The following PRKAG2 variants were observed in gnomAD, a reference collection of about 807,000 sequenced individuals.
PRKAG2 encodes the protein protein kinase AMP-activated non-catalytic subunit gamma 2.
In PRKAG2, 26 loss-of-function variants were observed where a neutral mutation model predicts 69.6. The observed-to-expected ratio is 0.37, with a 90% CI of 0.27 to 0.52. The LOEUF is 0.52. Ranked by LOEUF, PRKAG2 falls within the 20% of genes least tolerant of loss-of-function variation. PRKAG2 has a pLI of 0.90. For missense variants in PRKAG2, 557 were observed against 740.0 expected (o/e 0.75, Z 2.87); for synonymous variants, 293 against 285.0 (o/e 1.03, Z -0.28).
At chr7:151,732,274 G>A (rs1799073819) in intron 3 of PRKAG2, among the ~76,000 whole-genome samples, 1 of 151,724 alleles carries the variant, frequency 6.6e-6, no homozygotes, top group African/African-American at 2.4e-5. Flanking sequence ...AATTAGCTGG[G>A]ACTACCGACA....
intron 3 of PRKAG2, among the ~76,000 whole-genome samples, chr7:151,754,658 A>AG (rs1393575294): frequency 6.6e-6 from 1 of 152,132 alleles, no homozygotes; most frequent in Non-Finnish European, 1.5e-5. Flanking sequence ...CACAGCCCTG[A>AG]GGGAGGCTGG....
intron 1 of PRKAG2, among the ~76,000 whole-genome samples, chr7:151,789,848 G>A (rs2077190323): frequency 6.6e-6 from 1 of 152,162 alleles, no homozygotes; most frequent in African/African-American, 2.4e-5. Flanking sequence ...ACACAGTCAG[G>A]AGCTCCCAGC....
chr7:151,566,956 G>A (rs1464672478), intron 11 of PRKAG2, among the ~76,000 whole-genome samples: 2 of 151,974 alleles, frequency 1.3e-5, no homozygotes, highest in Non-Finnish European at 2.9e-5. Context: ...TTACCATATT[G>A]GCCCAAATAT....
intron 1 of PRKAG2, among the ~76,000 whole-genome samples, chr7:151,801,825 G>A (rs1419502640): frequency 3.9e-5 from 6 of 152,168 alleles, no homozygotes; most frequent in Non-Finnish European, 8.8e-5. Context: ...AAAAAACAGG[G>A]GGTTGTTTGC....
In PRKAG2 at chr7:151,797,242, C is replaced by T. The variant is rs568530369; in HGVS notation, c.115-10701G>A. ...GCTTCTTGCCACCCCCCCCACCCCC[C>T]ACCGCCGCCTGGTGCTCCCCACCGG... On this transcript the variant is annotated intron_variant, in intron 1 of 15. Coordinates refer to ENST00000287878, the MANE Select transcript of PRKAG2 (RefSeq NM_016203.4). 3.1e-3 allele frequency among the ~76,000 whole-genome samples: 466 copies of T among 151,162 alleles called. 4 individuals carry two copies. The highest frequency in any genetic ancestry group is 0.014 in the Middle Eastern group (4 of 292).
At chr7:151,574,579 C>T (rs1278128526) in intron 8 of PRKAG2, among the ~76,000 whole-genome samples, 1 of 152,206 alleles carries the variant, frequency 6.6e-6, no homozygotes, top group Non-Finnish European at 1.5e-5. Context: ...GCAAAACTTA[C>T]AGAACGTCTA....
At position 151,654,046 on chromosome 7, in the gene PRKAG2, T is replaced by C. The variant is rs150671012; in HGVS notation, c.684+21374A>G. On this transcript the variant is annotated intron_variant, in intron 4 of 15. Transcript: ENST00000287878. ...TAATTATTTTAGATGTTTTAAATCA[T>C]GGTGTTTTCAAAATGAGGATAATTT... 4.1e-3 allele frequency among the ~76,000 whole-genome samples: 628 copies of C among 152,330 alleles called. 4 individuals carry two copies. Among genetic ancestry groups the C allele is most frequent in the African/African-American group, 0.015 (603 of 41,558 alleles).
chr7:151,768,760 CCT>C (rs1410689643), intron 3 of PRKAG2, among the ~76,000 whole-genome samples: 1 of 152,224 alleles, frequency 6.6e-6, no homozygotes, highest in East Asian at 1.9e-4. Context: ...AGCCACTGCA[CCT>C]GGCCAGTCTT....
At chr7:151,607,887 A>C (rs12113155) in intron 5 of PRKAG2, among the ~76,000 whole-genome samples, 5,344 of 152,164 alleles carry the variant, frequency 0.035, 305 homozygotes, top group African/African-American at 0.12. Flanking sequence ...CCGCAAAAAG[A>C]CAGGTCCACT....
intron 1 of PRKAG2, chr7:151,809,286 C>T (rs1000777194): frequency 2.2e-5 from 10 of 456,504 alleles, no homozygotes; most frequent in African/African-American, 1.8e-4. Flanking sequence ...TCCCACACAC[C>T]CCTACCCCGA....
In PRKAG2 at chr7:151,850,458, A is replaced by T. The variant is rs2079542151; in HGVS notation, c.114+26049T>A. Among the ~76,000 whole-genome samples the T allele has an allele frequency of 6.6e-6, 1 of 152,224 alleles. No individual in the cohort carries two copies. The highest frequency in any genetic ancestry group is 2.4e-5 in the African/African-American group (1 of 41,458). ...CCTGTCCCATGCTCTGCCTCGAAGC[A>T]CACGTCATCTGGTGGGCAGCCCTGC... On this transcript the variant is annotated intron_variant, in intron 1 of 15. Transcript: ENST00000287878. This position sits in a 1 kb window ranked among gnomAD's most constrained non-coding sequence, Gnocchi z 4.1.
At chr7:151,875,572 T>G (rs765165201) in intron 1 of PRKAG2, among the ~76,000 whole-genome samples, 932 of 78,102 alleles carry the variant, frequency 0.012, 9 homozygotes, top group Non-Finnish European at 0.021. Flanking sequence ...GGTGTGTGTG[T>G]GTGTGTGTGT....
intron 3 of PRKAG2, among the ~76,000 whole-genome samples, chr7:151,765,421 C>A (rs1305115310): frequency 6.6e-6 from 1 of 152,182 alleles, no homozygotes; most frequent in Non-Finnish European, 1.5e-5. Context: ...CCTCCTCCAA[C>A]ATGTGGGGAT....
chr7:151,821,664 A>T (rs11769593), intron 1 of PRKAG2, among the ~76,000 whole-genome samples: 28,349 of 152,166 alleles, frequency 0.19, 3,251 homozygotes, highest in Middle Eastern at 0.29. Context: ...GTCCTCTCTA[A>T]GACACATTGG....
At chr7:151,824,953 C>G (rs1202040591) in intron 1 of PRKAG2, among the ~76,000 whole-genome samples, 1 of 152,146 alleles carries the variant, frequency 6.6e-6, no homozygotes, top group East Asian at 1.9e-4. Context: ...GTGGCTCATG[C>G]CTGCAGCCCT....
Position 151,814,584 on chromosome 7 carries a change from C to T in PRKAG2, c.115-28043G>A. Reference sequence around the variant, plus strand: ...TCCATCAGAGAAGGGGTTTCCCAGCCCCTTCAGCACAGGCAATTTCTAGGG... The same window carrying T: ...TCCATCAGAGAAGGGGTTTCCCAGCTCCTTCAGCACAGGCAATTTCTAGGG... On this transcript the variant is annotated intron_variant, in intron 1 of 15. Transcript: ENST00000287878. The surrounding 1 kb of genome is among the most constrained non-coding windows in gnomAD (Gnocchi z 4.8). 1 of 1,231,750 alleles carries T rather than the reference C, an allele frequency of 8.1e-7. No homozygotes were observed. The highest frequency in any genetic ancestry group is 1.0e-6 in the Non-Finnish European group (1 of 987,992). The allele number at this position is 1,231,750 out of a possible 1,614,324, so 76.3% of individuals were successfully genotyped here. A position where few individuals can be genotyped will look rare whatever the true frequency, so the allele number is the denominator to read the frequency against.
At chr7:151,595,001 T>C (rs1814110605) in intron 6 of PRKAG2, among the ~76,000 whole-genome samples, 1 of 152,114 alleles carries the variant, frequency 6.6e-6, no homozygotes, top group Non-Finnish European at 1.5e-5. Flanking sequence ...TTTCATCACG[T>C]TGGCCAGGCT....
chr7:151,679,852 C>T (rs538480159), intron 3 of PRKAG2, among the ~76,000 whole-genome samples: 2 of 151,894 alleles, frequency 1.3e-5, no homozygotes, highest in African/African-American at 4.8e-5. Context: ...ATCACTTGAG[C>T]CCAGGAGTTT....
intron 1 of PRKAG2, among the ~76,000 whole-genome samples, chr7:151,834,182 G>C (rs1359663471): frequency 6.6e-6 from 1 of 152,206 alleles, no homozygotes; most frequent in South Asian, 2.1e-4. Flanking sequence ...GAAAACTTAA[G>C]GACAAATTCA....
Sources: allele counts gnomAD v4.1 joint callset (sites outside exome capture counted in the v4.1 genomes callset), GRCh38; gene constraint gnomAD v4.1.1; non-coding constraint Gnocchi (gnomAD v3.1); transcripts MANE v1.5; gene names NCBI Gene and HGNC (gene_info 2026-07-23, HGNC 2026-07-21).